The following TTC39A variants were observed in gnomAD, a reference collection of about 807,000 sequenced individuals.
The protein encoded by TTC39A is tetratricopeptide repeat protein 39A.
Under a neutral mutation model 82.3 loss-of-function variants are expected in TTC39A, and 46 were observed. The ratio of observed to expected loss-of-function variants is 0.56; its 90% CI spans 0.44 to 0.71. TTC39A has a LOEUF of 0.71. Ranked by LOEUF, TTC39A falls within the 30% of genes least tolerant of loss-of-function variation. The pLI, the probability that TTC39A is intolerant of heterozygous loss-of-function variation, is 0.00. For missense variants in TTC39A, 543 were observed against 712.9 expected (o/e 0.76, Z 2.71); for synonymous variants, 254 against 275.2 (o/e 0.92, Z 0.76).
At chr1:51,335,428 G>A (rs918971488), upstream of TTC39A, 1 of 151,460 alleles carries the variant, frequency 6.6e-6, no homozygotes, top group Non-Finnish European at 1.5e-5. Flanking sequence ...GGAGGTGATG[G>A]TGGACACCTG....
In TTC39A at chr1:51,301,569, C is replaced by T; in HGVS notation, c.1053+3G>A. On this transcript the variant is annotated splice_donor_region_variant and intron_variant, in intron 12 of 17. Coordinates refer to ENST00000680483, the MANE Select transcript of TTC39A (RefSeq NM_001297663.2). ...ATGCCCCTAACACGTGGCATCAGCC[C>T]ACCTTGGACCAGCAGTTCTCCTTGC... 6.2e-7 allele frequency: 1 copy of T among 1,600,930 alleles called. No individual in the cohort carries two copies. Among genetic ancestry groups the T allele is most frequent in the Non-Finnish European group, 8.5e-7 (1 of 1,172,118 alleles).
At chr1:51,326,482 T>G (rs1645716265) in intron 1 of TTC39A, among the ~76,000 whole-genome samples, 1 of 152,148 alleles carries the variant, frequency 6.6e-6, no homozygotes, top group Non-Finnish European at 1.5e-5. Context: ...TCAGGAAGGC[T>G]GGAGACATCC....
chr1:51,315,875 G>T lies in TTC39A; in HGVS notation c.147-2932C>A, dbSNP rs149486067. 1.8e-4 allele frequency among the ~76,000 whole-genome samples: 27 copies of T among 152,370 alleles called. No homozygotes were observed. In the East Asian group the frequency reaches 4.4e-3, roughly 25 times the overall value. On this transcript the variant is annotated intron_variant, in intron 2 of 17. Transcript: ENST00000680483. The stretch of plus-strand genomic sequence containing the variant: ...TTTTTCCAGTAAGCCTTCCAGGGCA[G>T]CTTCACGGGTGTGTGGTCTATGCTG...
rs759509742 is a variant in TTC39A at position 51,309,345 on chromosome 1, T to G, written c.424-20A>C. ...CTCGTCCTGCAGGAGGAAAAGATGC[T>G]GACGGCCTGGCCCAGGTGGGCAGCT... On this transcript the variant is annotated intron_variant, in intron 5 of 17. Coordinates refer to ENST00000680483, the MANE Select transcript of TTC39A (RefSeq NM_001297663.2). 6.2e-7 allele frequency: 1 copy of G among 1,612,760 alleles called. No homozygotes were observed. The highest frequency in any genetic ancestry group is 8.5e-7 in the Non-Finnish European group (1 of 1,179,490).
intron 8 of TTC39A, among the ~76,000 whole-genome samples, chr1:51,304,696 T>C (rs904546627): frequency 3.3e-5 from 5 of 152,188 alleles, no homozygotes; most frequent in Non-Finnish European, 7.3e-5. Context: ...CTGGATGAAG[T>C]GGTAGCACCA....
intron 6 of TTC39A, among the ~76,000 whole-genome samples, chr1:51,307,596 G>T (rs980168944): frequency 2.0e-5 from 3 of 152,026 alleles, no homozygotes; most frequent in African/African-American, 2.4e-5. Flanking sequence ...TTAGCCAGGT[G>T]GGGTGGCGTA....
intron 16 of TTC39A, among the ~76,000 whole-genome samples, chr1:51,289,601 G>A (rs1181139982): frequency 6.6e-6 from 1 of 152,156 alleles, no homozygotes. Flanking sequence ...CTCCCATTAA[G>A]TTTAGGTCCC....
At chr1:51,331,613 G>T, upstream of TTC39A, 2 of 985,418 alleles carry the variant, frequency 2.0e-6, no homozygotes, top group Non-Finnish European at 2.4e-6. Flanking sequence ...AGGCAGTTTG[G>T]GCTTGGTGGT....
intron 1 of TTC39A, among the ~76,000 whole-genome samples, chr1:51,341,718 CAA>C (rs200268501): frequency 2.0e-5 from 3 of 151,744 alleles, no homozygotes; most frequent in African/African-American, 7.3e-5. Flanking sequence ...CACACACACA[CAA>C]AAAAAACCTT....
chr1:51,310,472 G>A (rs1421481439), intron 5 of TTC39A, among the ~76,000 whole-genome samples: 3 of 151,982 alleles, frequency 2.0e-5, no homozygotes, highest in Non-Finnish European at 4.4e-5. Flanking sequence ...CCTAAAGCAA[G>A]GACTAGGATT....
intron 3 of TTC39A, among the ~76,000 whole-genome samples, chr1:51,312,475 A>G (rs1645122057): frequency 6.6e-6 from 1 of 152,204 alleles, no homozygotes; most frequent in Non-Finnish European, 1.5e-5. Flanking sequence ...CTTCCTGGCC[A>G]GGTGATGCTG....
At position 51,288,084 on chromosome 1, in the gene TTC39A, G is replaced by T. The variant is rs1644055121; in HGVS notation, c.*73C>A. 1.3e-6 allele frequency: 2 copies of T among 1,586,032 alleles called. No individual in the cohort carries two copies. The highest frequency in any genetic ancestry group is 1.3e-5 in the African/African-American group (1 of 74,494). On this transcript the variant is annotated 3_prime_UTR_variant, in exon 18 of 18. Coordinates refer to ENST00000680483, the MANE Select transcript of TTC39A (RefSeq NM_001297663.2). This position sits in a 1 kb window ranked among gnomAD's most constrained non-coding sequence, Gnocchi z 4.8. ...CAAAGGCAGGGCAGGGCAGGGGGAG[G>T]GGGTATTTTGAAATGTTTTCAGGAG...
rs1249706380 is a variant in TTC39A, at chr1:51,307,725, ACT to A, written c.488+1534_488+1535del. Reference sequence around the variant, plus strand: ...ACTCCAGCCTGGGCGACAGAGCAAGACTCTGTCTCAAAAAAAAAAAAAAAAAA... The same window carrying A: ...ACTCCAGCCTGGGCGACAGAGCAAGACTGTCTCAAAAAAAAAAAAAAAAAA... On this transcript the variant is annotated intron_variant, in intron 6 of 17. Transcript: ENST00000680483. 2.6e-4 allele frequency among the ~76,000 whole-genome samples: 33 copies of A among 128,318 alleles called. 1 individual carries two copies. Among genetic ancestry groups the A allele is most frequent in the Admixed American group, 7.9e-4 (9 of 11,446 alleles). The allele number at this position is 128,318 out of a possible 152,430, so 84.2% of individuals were successfully genotyped here.
chr1:51,343,799 A>G (rs1379402561), intron 1 of TTC39A, among the ~76,000 whole-genome samples: 1 of 152,116 alleles, frequency 6.6e-6, no homozygotes, highest in Non-Finnish European at 1.5e-5. Context: ...TCCTTTATTT[A>G]TATAGAGATA....
chr1:51,302,663 CT>C, intron 9 of TTC39A, 90 bp from the exon 10 acceptor site: 3 of 1,326,728 alleles, frequency 2.3e-6, no homozygotes, highest in Non-Finnish European at 3.2e-6. Flanking sequence ...TTCCCAGGGT[CT>C]CCCCCTCCCC....
At chr1:51,312,699 C>T in intron 3 of TTC39A, 113 bp downstream of exon 3, 1 of 1,468,238 alleles carries the variant, frequency 6.8e-7, no homozygotes, top group Non-Finnish European at 9.3e-7. Context: ...GCAGACACAA[C>T]CTCTTAGCCA....
rs1258470865 is a variant in TTC39A at position 51,290,269 on chromosome 1, G to A, written c.1379-150C>T. On this transcript the variant is annotated intron_variant, in intron 15 of 17. Coordinates refer to ENST00000680483, the MANE Select transcript of TTC39A (RefSeq NM_001297663.2). The stretch of plus-strand genomic sequence containing the variant: ...GCAGGGGTCACATCTAAGAAGGAAA[G>A]GCAAATACTGAGACAATGACAATAC... 5.1e-6 allele frequency: 4 copies of A among 780,546 alleles called. No individual in the cohort carries two copies. The Admixed American group carries it at 1.1e-4, about 22-fold the overall frequency. 48.4% of individuals were successfully genotyped at this position (780,546 alleles called of 1,614,324 possible). A position where few individuals can be genotyped will look rare whatever the true frequency, so the allele number is the denominator to read the frequency against.
intron 15 of TTC39A, 83 bp from the exon 16 acceptor site, chr1:51,290,202 G>C: frequency 7.8e-7 from 1 of 1,285,576 alleles, no homozygotes; most frequent in Non-Finnish European, 1.1e-6. Context: ...TTTGTGCTAG[G>C]TCAAAGGGAC....
chr1:51,327,146 G>A (rs772883288), intron 1 of TTC39A, among the ~76,000 whole-genome samples: 17 of 152,284 alleles, frequency 1.1e-4, no homozygotes, highest in Non-Finnish European at 1.9e-4. Context: ...GGGTAGAGCT[G>A]GGAGACCCTC....
Sources: allele counts gnomAD v4.1 joint callset (sites outside exome capture counted in the v4.1 genomes callset), GRCh38; gene constraint gnomAD v4.1.1; non-coding constraint Gnocchi (gnomAD v3.1); transcripts MANE v1.5; gene names NCBI Gene and HGNC (gene_info 2026-07-23, HGNC 2026-07-21).